The following PHLPP1 variants were observed in gnomAD, a reference collection of about 807,000 sequenced individuals.
PHLPP1 encodes the protein PH domain and leucine rich repeat protein phosphatase 1.
A neutral mutation model predicts 117.2 loss-of-function variants in PHLPP1; 42 were observed. That is an observed-to-expected ratio of 0.36 (90% CI 0.28 to 0.46). The LOEUF is 0.46. Ranked by LOEUF, PHLPP1 falls within the 20% of genes least tolerant of loss-of-function variation. The probability of loss-of-function intolerance (pLI) is 1.00; values close to 1 mark genes in which losing one functional copy is unlikely to be tolerated. For synonymous variants in PHLPP1, 1,042 were observed against 970.7 expected (o/e 1.07, Z -1.37); for missense variants, 2,084 against 2,241.9 (o/e 0.93, Z 1.42).
intron 3 of PHLPP1, among the ~76,000 whole-genome samples, chr18:62,853,613 G>C (rs915786985): frequency 6.6e-6 from 1 of 152,004 alleles, no homozygotes; most frequent in Admixed American, 6.6e-5. Context: ...CAGGTGATCT[G>C]CCCCCCTCGG....
chr18:62,771,944 A>G (rs1225348100), intron 1 of PHLPP1, among the ~76,000 whole-genome samples: 2 of 152,196 alleles, frequency 1.3e-5, no homozygotes, highest in Non-Finnish European at 2.9e-5. Flanking sequence ...ATTTGGGAGC[A>G]CTTCAGATTT....
intron 6 of PHLPP1, 101 bp from the exon 7 acceptor site, chr18:62,902,863 A>G: frequency 2.8e-6 from 2 of 712,010 alleles, no homozygotes; most frequent in South Asian, 3.5e-5. Flanking sequence ...ACTATAATAC[A>G]GAGAGAACTG....
intron 1 of PHLPP1, among the ~76,000 whole-genome samples, chr18:62,740,429 G>A (rs1459453310): frequency 6.6e-6 from 1 of 151,878 alleles, no homozygotes; most frequent in Admixed American, 6.6e-5. Flanking sequence ...GATTAAATCT[G>A]TTTATAAAGT....
At chr18:62,755,033 A>T (rs879763340) in intron 1 of PHLPP1, among the ~76,000 whole-genome samples, 1 of 152,212 alleles carries the variant, frequency 6.6e-6, no homozygotes, top group African/African-American at 2.4e-5. Flanking sequence ...GCTTCTTGAC[A>T]TTGACAGATT....
Position 62,978,173 on chromosome 18 carries a change from C to T in PHLPP1, c.3985-89C>T, listed in dbSNP as rs1240339087. Reference sequence around the variant, plus strand: ...CAGCACTTCTCTGTGGTCCTACAGTCGAGACAGTCGAGGGACCCGCAGGGA... The same window carrying T: ...CAGCACTTCTCTGTGGTCCTACAGTTGAGACAGTCGAGGGACCCGCAGGGA... On this transcript the variant is annotated intron_variant, in intron 16 of 16. Transcript: ENST00000262719. This position sits in a 1 kb window ranked among gnomAD's most constrained non-coding sequence, Gnocchi z 7.0. 32 of 707,278 alleles carry T rather than the reference C, an allele frequency of 4.5e-5. No individual in the cohort carries two copies. Among genetic ancestry groups the T allele is most frequent in the Admixed American group, 7.6e-5 (3 of 39,466 alleles). The allele number at this position is 707,278 out of a possible 1,614,324, so 43.8% of individuals were successfully genotyped here.
At chr18:62,922,208 C>G (rs1394949954) in intron 10 of PHLPP1, among the ~76,000 whole-genome samples, 1 of 152,162 alleles carries the variant, frequency 6.6e-6, no homozygotes, top group Non-Finnish European at 1.5e-5. Flanking sequence ...GTGATCTCAG[C>G]TCATTGCAAC....
Position 62,895,870 on chromosome 18 carries a change from CT to C in PHLPP1, c.2306del (p.Phe769SerfsTer14). 6.2e-7 allele frequency: 1 copy of C among 1,613,376 alleles called. No individual in the cohort carries two copies. The highest frequency in any genetic ancestry group is 8.5e-7 in the Non-Finnish European group (1 of 1,179,314). ...AAGCAGCTTAGTTATCTGGGTCTTT[CT>C]TTCAATGAATTTACTGACATTCCCG... ...NMKQLSYLGL[S>X]FNEFTDIPEV... is the part of the protein sequence containing the mutation. On this transcript the variant is annotated frameshift_variant, in exon 6 of 17. Coordinates refer to ENST00000262719, the MANE Select transcript of PHLPP1 (RefSeq NM_194449.4). LOFTEE classifies it high-confidence loss of function.
chr18:62,917,498 A>G (rs1909326858), intron 9 of PHLPP1, among the ~76,000 whole-genome samples: 1 of 150,044 alleles, frequency 6.7e-6, no homozygotes, highest in South Asian at 2.1e-4. Flanking sequence ...TCAATTGCAA[A>G]CTCTGTGTGA....
intron 1 of PHLPP1, among the ~76,000 whole-genome samples, chr18:62,787,216 C>T (rs542335712): frequency 1.5e-4 from 23 of 152,062 alleles, no homozygotes; most frequent in Middle Eastern, 3.4e-3. Context: ...TAGCTAACCC[C>T]AATTATCTGT....
At chr18:62,946,164 A>G (rs1379900499) in intron 12 of PHLPP1, among the ~76,000 whole-genome samples, 2 of 152,354 alleles carry the variant, frequency 1.3e-5, no homozygotes, top group Admixed American at 6.5e-5. Context: ...CAACTTAGCC[A>G]TTCTTCACTT....
chr18:62,971,174 A>G (rs374258829), intron 14 of PHLPP1, among the ~76,000 whole-genome samples: 1 of 152,128 alleles, frequency 6.6e-6, no homozygotes, highest in Non-Finnish European at 1.5e-5. Flanking sequence ...GATGTGTCTC[A>G]GTTAAGTCTT....
chr18:62,817,230 C>T (rs1313133460), intron 1 of PHLPP1, among the ~76,000 whole-genome samples: 1 of 152,204 alleles, frequency 6.6e-6, no homozygotes. Flanking sequence ...AGGTGTGAGC[C>T]ACCATGCCTG....
At chr18:62,808,797 A>C (rs889162846) in intron 1 of PHLPP1, among the ~76,000 whole-genome samples, 1 of 151,814 alleles carries the variant, frequency 6.6e-6, no homozygotes, top group Non-Finnish European at 1.5e-5. Context: ...CAGGTGATTC[A>C]CCCACCTCGG....
At chr18:62,725,188 G>C (rs200265956) in intron 1 of PHLPP1, among the ~76,000 whole-genome samples, 1 of 151,990 alleles carries the variant, frequency 6.6e-6, no homozygotes, top group African/African-American at 2.4e-5. Flanking sequence ...GTGAAACCCT[G>C]TCTCTACTAA....
chr18:62,945,752 G>A (rs1910264963), intron 12 of PHLPP1, among the ~76,000 whole-genome samples: 2 of 152,196 alleles, frequency 1.3e-5, no homozygotes, highest in African/African-American at 4.8e-5. Flanking sequence ...CATCATTGCT[G>A]TCACCAAACA....
In PHLPP1 at chr18:62,864,530, A is replaced by G. The variant is rs1599090502; in HGVS notation, c.2066+3929A>G. ...ACAGTGAGTTCCAACAAGAGGTGCT[A>G]TCTGGAAGAATAGTAAGTGTTCAAT... On this transcript the variant is annotated intron_variant, in intron 4 of 16. Coordinates refer to ENST00000262719, the MANE Select transcript of PHLPP1 (RefSeq NM_194449.4). Among the ~76,000 whole-genome samples the G allele has an allele frequency of 2.0e-5, 3 of 152,360 alleles. No individual in the cohort carries two copies. In the South Asian group the frequency reaches 6.2e-4, roughly 32 times the overall value.
chr18:62,764,719 AC>A (rs1172085137), intron 1 of PHLPP1, among the ~76,000 whole-genome samples: 1 of 152,072 alleles, frequency 6.6e-6, no homozygotes, highest in Admixed American at 6.5e-5. Context: ...ATGGGTTCTT[AC>A]TTGTACAACT....
rs1449497143 is a variant in PHLPP1 at position 62,958,616 on chromosome 18, G to A, written c.3325-13G>A. On this transcript the variant is annotated splice_polypyrimidine_tract_variant and intron_variant, in intron 12 of 16. Coordinates refer to ENST00000262719, the MANE Select transcript of PHLPP1 (RefSeq NM_194449.4). ...GACCATCTCTTTCTTGTTTGCACTTGTTCTTTTTTCAGTGTGTGGACCTGA... is the reference window on the plus strand; with the variant it reads ...GACCATCTCTTTCTTGTTTGCACTTATTCTTTTTTCAGTGTGTGGACCTGA... 1.2e-6 allele frequency: 2 copies of A among 1,613,628 alleles called. No individual in the cohort carries two copies. The highest frequency in any genetic ancestry group is 3.3e-5 in the Admixed American group (2 of 60,010).
At chr18:62,740,838 G>A (rs992593734) in intron 1 of PHLPP1, among the ~76,000 whole-genome samples, 1 of 152,112 alleles carries the variant, frequency 6.6e-6, no homozygotes, top group Non-Finnish European at 1.5e-5. Flanking sequence ...CAGGCGTGGT[G>A]GTGCACACCT....
Sources: gnomAD v4.1 joint callset for allele counts (sites outside exome capture counted in the v4.1 genomes callset) on GRCh38, gnomAD v4.1.1 for gene constraint, Gnocchi (gnomAD v3.1) non-coding constraint, MANE v1.5 for transcripts, NCBI Gene and HGNC (gene_info 2026-07-23, HGNC 2026-07-21) for gene names.